Variants in CLVS2 observed in about 807,000 individuals in gnomAD.
CLVS2 encodes the protein clavesin-2.
Under a neutral mutation model 29.0 loss-of-function variants are expected in CLVS2, and 19 were observed. That is an observed-to-expected ratio of 0.66 (90% confidence interval 0.46 to 0.96). CLVS2 has a LOEUF of 0.96. CLVS2 is among the 40% of genes least tolerant of loss of function. CLVS2 has a pLI of 0.00. For missense variants in CLVS2, 294 were observed against 404.1 expected (o/e 0.73, Z 2.34); for synonymous variants, 161 against 151.3 (o/e 1.06, Z -0.47).
chr6:123,012,689 A>G (rs974491249), intron 3 of CLVS2, among the ~76,000 whole-genome samples: 2 of 152,018 alleles, frequency 1.3e-5, no homozygotes, highest in African/African-American at 2.4e-5. Context: ...AAGGAACTAC[A>G]CTCAGATGAA....
At chr6:122,999,725 G>C (rs1291207125) in intron 2 of CLVS2, among the ~76,000 whole-genome samples, 6 of 152,084 alleles carry the variant, frequency 3.9e-5, no homozygotes, top group Non-Finnish European at 7.4e-5. Context: ...TTTGTTAATT[G>C]AGCTATAGTG....
At chr6:123,016,352 GA>G (rs1301552274) in intron 3 of CLVS2, among the ~76,000 whole-genome samples, 1 of 138,084 alleles carries the variant, frequency 7.2e-6, no homozygotes, top group Non-Finnish European at 1.6e-5. Flanking sequence ...GGGGGAGGGG[GA>G]GGGTTACTGT....
intron 2 of CLVS2, among the ~76,000 whole-genome samples, chr6:122,998,558 C>T (rs557461178): frequency 7.9e-5 from 12 of 152,302 alleles, no homozygotes; most frequent in African/African-American, 2.6e-4. Flanking sequence ...AATTCTTAAA[C>T]TAGACCCATC....
Position 122,997,691 on chromosome 6 carries a change from G to T in CLVS2, c.-87G>T. 1 of 1,340,356 alleles carries T rather than the reference G, an allele frequency of 7.5e-7. No individual in the cohort carries two copies. Among genetic ancestry groups the T allele is most frequent in the African/African-American group, 1.5e-5 (1 of 68,946 alleles). 83.0% of individuals were successfully genotyped at this position (1,340,356 alleles called of 1,614,324 possible). A position where few individuals can be genotyped will look rare whatever the true frequency, so the allele number is the denominator to read the frequency against. The stretch of plus-strand genomic sequence containing the variant: ...GAAGCAGGCAGCAGGAGGTCTGGGG[G>T]CTGGAGTCTGGTGGTGGCAAGGACC... On this transcript the variant is annotated 5_prime_UTR_variant, in exon 2 of 6. Transcript: ENST00000275162.
At chr6:123,024,684 T>C (rs1156849465) in intron 3 of CLVS2, among the ~76,000 whole-genome samples, 1 of 152,142 alleles carries the variant, frequency 6.6e-6, no homozygotes. Context: ...GAAAGATATC[T>C]AATGTATTAG....
chr6:123,030,661 C>A (rs1775069954), intron 3 of CLVS2, among the ~76,000 whole-genome samples: 1 of 151,930 alleles, frequency 6.6e-6, no homozygotes, highest in South Asian at 2.1e-4. Flanking sequence ...ATAGCATATA[C>A]TTTTTTCTTC....
rs1392784695 is a variant in CLVS2, at chr6:123,071,082, G to A, written c.*7321G>A. On this transcript the variant is annotated 3_prime_UTR_variant, in exon 6 of 6. Coordinates refer to ENST00000275162, the MANE Select transcript of CLVS2 (RefSeq NM_001010852.4). ...ACCATACAGATTATTTATTTACTTT[G>A]CATTTCCCCCCAATAGCAATGTGAA... 1 of 151,740 alleles carries A rather than the reference G, an allele frequency of 6.6e-6. No individual in the cohort carries two copies. Among genetic ancestry groups the A allele is most frequent in the Admixed American group, 6.6e-5 (1 of 15,188 alleles). The allele number at this position is 151,740 out of a possible 1,614,324, so 9.4% of individuals were successfully genotyped here.
chr6:123,005,319 A>G (rs1434841317), intron 2 of CLVS2, among the ~76,000 whole-genome samples: 1 of 152,162 alleles, frequency 6.6e-6, no homozygotes, highest in East Asian at 1.9e-4. Flanking sequence ...TAATACCCTG[A>G]GGCATTAATA....
chr6:123,023,554 A>G (rs1774954726), intron 3 of CLVS2, among the ~76,000 whole-genome samples: 1 of 152,136 alleles, frequency 6.6e-6, no homozygotes, highest in African/African-American at 2.4e-5. Flanking sequence ...ATAATAGAGA[A>G]TTGATGTACT....
At chr6:123,008,522 A>C (rs1248483539) in intron 2 of CLVS2, among the ~76,000 whole-genome samples, 2 of 152,096 alleles carry the variant, frequency 1.3e-5, no homozygotes, top group Non-Finnish European at 2.9e-5. Flanking sequence ...GCTGATTTCA[A>C]ATTTAAATTT....
chr6:123,047,846 C>T (rs1469471632), intron 3 of CLVS2, among the ~76,000 whole-genome samples: 4 of 151,970 alleles, frequency 2.6e-5, no homozygotes, highest in African/African-American at 7.2e-5. Context: ...CATTAACATA[C>T]TCAAGTGCAG....
chr6:123,012,701 C>T (rs905876572), intron 3 of CLVS2, among the ~76,000 whole-genome samples: 2 of 152,068 alleles, frequency 1.3e-5, no homozygotes, highest in East Asian at 3.9e-4. Context: ...TCAGATGAAA[C>T]CTCTGTGCTT....
Position 122,996,560 on chromosome 6 carries a change from A to C in CLVS2, c.-746A>C, listed in dbSNP as rs992029637. 1.4e-4 allele frequency: 21 copies of C among 152,956 alleles called. No individual in the cohort carries two copies. The highest frequency in any genetic ancestry group is 3.1e-4 in the Non-Finnish European group (21 of 68,358). 9.5% of individuals were successfully genotyped at this position (152,956 alleles called of 1,614,324 possible). A position where few individuals can be genotyped will look rare whatever the true frequency, so the allele number is the denominator to read the frequency against. ...AGAGGCTGCGGGCTGCCCGCGGACG[A>C]TGTGGCCGCGGCTGCTCCCGAGCGC... On this transcript the variant is annotated 5_prime_UTR_variant, in exon 1 of 6. It removes an upstream start codon present in the reference 5' UTR. Transcript: ENST00000275162.
intron 3 of CLVS2, among the ~76,000 whole-genome samples, chr6:123,047,953 G>A (rs886229005): frequency 6.6e-6 from 1 of 152,088 alleles, no homozygotes; most frequent in Non-Finnish European, 1.5e-5. Flanking sequence ...AAGAGGAGGA[G>A]GCTGGCTTTA....
chr6:123,029,863 G>T (rs924220144), intron 3 of CLVS2, among the ~76,000 whole-genome samples: 3 of 152,166 alleles, frequency 2.0e-5, no homozygotes, highest in Non-Finnish European at 1.5e-5. Context: ...GGAATTCATA[G>T]GTAGCAAGGA....
Position 123,055,836 on chromosome 6 carries a change from C to G in CLVS2, c.706C>G (p.Leu236Val), listed in dbSNP as rs1373249884. The change falls in exon 5 of 6, where the codon CTA (leucine) becomes GTA (valine). Residue 236 changes from leucine (L) to valine (V), a missense_variant. By Grantham distance (32) the Leu-to-Val change is conservative. This residue lies in a region of CLVS2 where 212 missense variants were observed against 336.4 expected (regional missense o/e 0.63). Transcript: ENST00000275162. ...IFLHGNNLNS[L>V]HQLIHPEILP... ...TTTGCATGGTAACAACCTGAACAGT[C>G]TACACCAACTAATTCATCCTGAGAT... The G allele has an allele frequency of 6.2e-7, 1 of 1,613,838 alleles. No homozygotes were observed. Among genetic ancestry groups the G allele is most frequent in the Non-Finnish European group, 8.5e-7 (1 of 1,179,872 alleles).
chr6:123,054,753 A>G (rs1348943177), intron 4 of CLVS2, among the ~76,000 whole-genome samples: 1 of 152,194 alleles, frequency 6.6e-6, no homozygotes, highest in East Asian at 1.9e-4. Context: ...TGAAACTGAA[A>G]TGAAAGAAGA....
At chr6:123,035,189 A>G (rs1775134904) in intron 3 of CLVS2, among the ~76,000 whole-genome samples, 1 of 152,066 alleles carries the variant, frequency 6.6e-6, no homozygotes, top group African/African-American at 2.4e-5. Context: ...TAAAAGCAGA[A>G]TTCTTCAAAG....
chr6:123,065,583 T>C lies in CLVS2; in HGVS notation c.*1822T>C, dbSNP rs1487754299. 2.6e-5 allele frequency: 4 copies of C among 151,898 alleles called. No individual in the cohort carries two copies. Among genetic ancestry groups the C allele is most frequent in the African/African-American group, 4.8e-5 (2 of 41,436 alleles). 9.4% of individuals were successfully genotyped at this position (151,898 alleles called of 1,614,324 possible). On this transcript the variant is annotated 3_prime_UTR_variant, in exon 6 of 6. Transcript: ENST00000275162. ...GCTCTCCTTGTGACTTTTACAGAGA[T>C]TGGAATGCACTGGGGACAACATGTC...
Sources: allele counts gnomAD v4.1 joint callset (sites outside exome capture counted in the v4.1 genomes callset), GRCh38; gene constraint gnomAD v4.1.1; regional missense constraint gnomAD v4.1.1; transcripts MANE v1.5; gene names NCBI Gene and HGNC (gene_info 2026-07-23, HGNC 2026-07-21).